The following TENM3 variants were observed in gnomAD, a reference collection of about 807,000 sequenced individuals.
The protein encoded by TENM3 is teneurin transmembrane protein 3.
TENM3 carries 63 observed loss-of-function variants against 255.1 expected under a neutral mutation model. The ratio of observed to expected loss-of-function variants is 0.25; its 90% CI spans 0.20 to 0.30. The LOEUF (loss-of-function observed/expected upper bound fraction) is 0.30. TENM3 is among the 10% of genes least tolerant of loss of function. The pLI is 1.00. For synonymous variants in TENM3, 1,306 were observed against 1,322.3 expected, an observed-to-expected ratio of 0.99 and a Z score of 0.27; for missense variants, 2,929 against 3,461.1, an observed-to-expected ratio of 0.85 and a Z score of 3.86.
intron 2 of TENM3, among the ~76,000 whole-genome samples, chr4:182,329,530 T>G (rs1331286406): frequency 6.6e-6 from 1 of 152,134 alleles, no homozygotes; most frequent in African/African-American, 2.4e-5. Flanking sequence ...AAACAACAAA[T>G]TTAATGGCAC....
the TENM3 span, among the ~76,000 whole-genome samples, chr4:181,881,985 G>C: frequency 2.0e-5 from 3 of 152,122 alleles, no homozygotes; most frequent in African/African-American, 7.2e-5. Flanking sequence ...ATTTTTGATT[G>C]AGAGAAAAAT....
chr4:182,143,633 A>G (rs1749637301), upstream of TENM3: 1 of 165,478 alleles, frequency 6.0e-6, no homozygotes, highest in Non-Finnish European at 1.5e-5. The surrounding 1 kb of genome is among the most constrained non-coding windows in gnomAD (Gnocchi z 4.3). Flanking sequence ...CAAAGCAATT[A>G]CCCGCCCCCT....
chr4:182,242,015 CCTCT>C (rs1272485728), upstream of TENM3, among the ~76,000 whole-genome samples: 36 of 88,310 alleles, frequency 4.1e-4, 1 homozygote, highest in South Asian at 9.7e-3. Context: ...TTTTTTTTTT[CCTCT>C]CTCTTTTTTT....
the TENM3 span, among the ~76,000 whole-genome samples, chr4:182,100,965 G>A: frequency 7.1e-6 from 1 of 141,686 alleles, no homozygotes; most frequent in Non-Finnish European, 1.5e-5. Context: ...AATCCCTTGA[G>A]CCCTGGGAGG....
At chr4:182,694,572 C>T (rs974850612) in intron 12 of TENM3, among the ~76,000 whole-genome samples, 3 of 152,130 alleles carry the variant, frequency 2.0e-5, no homozygotes, top group African/African-American at 7.2e-5. Context: ...AGGGGAAATC[C>T]TAATTCCTTT....
the TENM3 span, among the ~76,000 whole-genome samples, chr4:181,829,694 C>A: frequency 3.3e-5 from 5 of 152,268 alleles, no homozygotes; most frequent in African/African-American, 1.2e-4. Flanking sequence ...CTATCCCATC[C>A]CCTTCCCATT....
At chr4:182,641,532 G>GT (rs33982626) in intron 5 of TENM3, among the ~76,000 whole-genome samples, 4,575 of 142,148 alleles carry the variant, frequency 0.032, 212 homozygotes, top group African/African-American at 0.11. Flanking sequence ...TTTTTTTGTT[G>GT]TTTTTTTTTT....
chr4:181,768,565 T>G, the TENM3 span, among the ~76,000 whole-genome samples: 33 of 152,364 alleles, frequency 2.2e-4, no homozygotes, highest in African/African-American at 7.7e-4. Context: ...AAATTCAATG[T>G]TCCTTTATCA....
intron 22 of TENM3, among the ~76,000 whole-genome samples, chr4:182,763,554 CAAAAA>C (rs35831067): frequency 1.4e-5 from 2 of 143,674 alleles, no homozygotes; most frequent in Non-Finnish European, 3.0e-5. Flanking sequence ...GACTCCGTCT[CAAAAA>C]AAAAAAGAAA....
intron 3 of TENM3, chr4:182,448,982 G>T (rs1375885149): frequency 2.5e-6 from 1 of 399,580 alleles, no homozygotes; most frequent in Non-Finnish European, 5.0e-6. Context: ...CGCAGCCCGA[G>T]CCCGGAGCCA....
chr4:182,796,776 C>T lies in TENM3; in HGVS notation c.7344+9C>T, dbSNP rs1388197801. ...AGTGGGATGATATACCGGTAAGAAA[C>T]AAAAAGACCTACGGAAAGGTGATAA... is the stretch of plus-strand genomic sequence containing the variant. On this transcript the variant is annotated intron_variant, in intron 27 of 27. Transcript: ENST00000511685. The T allele has an allele frequency of 6.3e-7, 1 of 1,596,062 alleles. No homozygotes were observed. Among genetic ancestry groups the T allele is most frequent in the South Asian group, 1.1e-5 (1 of 87,746 alleles).
chr4:182,381,592 G>A (rs1456494674), intron 3 of TENM3, among the ~76,000 whole-genome samples: 1 of 118,384 alleles, frequency 8.4e-6, no homozygotes, highest in Non-Finnish European at 1.6e-5. Flanking sequence ...TTTTGCTCTT[G>A]TTGCCCAGGC....
At chr4:182,672,449 G>A (rs1755299248) in intron 6 of TENM3, among the ~76,000 whole-genome samples, 1 of 152,076 alleles carries the variant, frequency 6.6e-6, no homozygotes, top group South Asian at 2.1e-4. Flanking sequence ...CCCTCACAAT[G>A]CCCCAAGTAC....
the TENM3 span, among the ~76,000 whole-genome samples, chr4:181,619,289 T>C: frequency 6.6e-6 from 1 of 152,162 alleles, no homozygotes. Context: ...CAATAGCCCT[T>C]TATTAAAGCC....
At chr4:181,574,269 C>T in the TENM3 span, among the ~76,000 whole-genome samples, 3 of 152,116 alleles carry the variant, frequency 2.0e-5, no homozygotes, top group Admixed American at 6.5e-5. Flanking sequence ...CGGTGGCTCA[C>T]GCCTGTAATC....
chr4:181,739,885 C>A, the TENM3 span, among the ~76,000 whole-genome samples: 1 of 152,142 alleles, frequency 6.6e-6, no homozygotes, highest in Non-Finnish European at 1.5e-5. Context: ...GCAAAAGTTG[C>A]AAGCCAATTA....
chr4:181,639,770 C>A, the TENM3 span, among the ~76,000 whole-genome samples: 1 of 152,076 alleles, frequency 6.6e-6, no homozygotes, highest in South Asian at 2.1e-4. Context: ...CCACCACCCT[C>A]GGAGTGGTGC....
At chr4:182,010,833 G>A in the TENM3 span, among the ~76,000 whole-genome samples, 1 of 152,156 alleles carries the variant, frequency 6.6e-6, no homozygotes, top group Non-Finnish European at 1.5e-5. Flanking sequence ...CTTCATCACA[G>A]AAGTCATTAA....
chr4:182,412,061 CCT>C (rs1407009784), intron 3 of TENM3, among the ~76,000 whole-genome samples: 1 of 152,060 alleles, frequency 6.6e-6, no homozygotes, highest in Non-Finnish European at 1.5e-5. Context: ...CAAGTCAGCC[CCT>C]GTGTTTGAAA....
Sources: gnomAD v4.1 joint callset for allele counts (sites outside exome capture counted in the v4.1 genomes callset) on GRCh38, gnomAD v4.1.1 for gene constraint, Gnocchi (gnomAD v3.1) non-coding constraint, MANE v1.5 for transcripts, NCBI Gene and HGNC (gene_info 2026-07-23, HGNC 2026-07-21) for gene names.